The following XRRA1 variants were observed in gnomAD, a reference collection of about 807,000 sequenced individuals.
XRRA1 encodes X-ray radiation resistance associated 1.
In XRRA1, 69 loss-of-function variants were observed where a neutral mutation model predicts 80.2. The ratio of observed to expected loss-of-function variants is 0.86; its 90% CI spans 0.71 to 1.05. The LOEUF is 1.05. XRRA1 is among the 50% of genes least tolerant of loss of function. The pLI, the probability that XRRA1 is intolerant of heterozygous loss-of-function variation, is 0.00. For missense variants in XRRA1, 967 were observed against 976.4 expected (o/e 0.99, Z 0.13); for synonymous variants, 348 against 389.9 (o/e 0.89, Z 1.27).
At chr11:74,928,585 C>G (rs1281800517) in intron 6 of XRRA1, among the ~76,000 whole-genome samples, 1 of 152,164 alleles carries the variant, frequency 6.6e-6, no homozygotes, top group African/African-American at 2.4e-5. Flanking sequence ...GCTTTGGGAA[C>G]TCCATTGAAG....
At chr11:74,938,630 T>C (rs1162598237) in intron 3 of XRRA1, among the ~76,000 whole-genome samples, 1 of 152,218 alleles carries the variant, frequency 6.6e-6, no homozygotes, top group Non-Finnish European at 1.5e-5. Flanking sequence ...TAGATGTAAT[T>C]AGTATTTACA....
intron 15 of XRRA1, among the ~76,000 whole-genome samples, chr11:74,847,806 G>A (rs2038695453): frequency 6.6e-6 from 1 of 152,194 alleles, no homozygotes; most frequent in Admixed American, 6.5e-5. Context: ...AAGCAGAGAG[G>A]TACAGGCAGC....
intron 8 of XRRA1, among the ~76,000 whole-genome samples, chr11:74,915,556 C>G (rs557985220): frequency 6.6e-6 from 1 of 152,102 alleles, no homozygotes; most frequent in African/African-American, 2.4e-5. Flanking sequence ...AATATGGCAC[C>G]GAATTTCTAG....
intron 10 of XRRA1, among the ~76,000 whole-genome samples, chr11:74,887,874 G>T (rs1293348288): frequency 2.0e-5 from 3 of 152,146 alleles, no homozygotes; most frequent in Non-Finnish European, 4.4e-5. Flanking sequence ...GAGTCTGGGG[G>T]AGGGGCACCC....
At position 74,851,077 on chromosome 11, in the gene XRRA1, G is replaced by T. The variant is rs2039707235; in HGVS notation, c.1380+11C>A. The T allele has an allele frequency of 6.2e-7, 1 of 1,602,508 alleles. No homozygotes were observed. On this transcript the variant is annotated intron_variant, in intron 14 of 18. Transcript: ENST00000684022. Reference sequence around the variant, plus strand: ...TTCCTGGGGGTGGGAGTCCTGCCTTGGAAGCCCTACCTTCCATGATTCCTT... The same window carrying T: ...TTCCTGGGGGTGGGAGTCCTGCCTTTGAAGCCCTACCTTCCATGATTCCTT...
intron 8 of XRRA1, among the ~76,000 whole-genome samples, chr11:74,914,993 T>C (rs939705308): frequency 6.6e-6 from 1 of 152,166 alleles, no homozygotes; most frequent in Non-Finnish European, 1.5e-5. Context: ...CCATCTAATA[T>C]AGGAAGAAAA....
chr11:74,874,100 G>A (rs1276723875), intron 10 of XRRA1, among the ~76,000 whole-genome samples: 2 of 151,794 alleles, frequency 1.3e-5, no homozygotes, highest in Non-Finnish European at 2.9e-5. Flanking sequence ...GCTGGGCATG[G>A]TGGCACACGC....
chr11:74,867,536 A>G (rs1368689447), intron 10 of XRRA1, among the ~76,000 whole-genome samples: 1 of 152,214 alleles, frequency 6.6e-6, no homozygotes, highest in Non-Finnish European at 1.5e-5. Context: ...AAAAATAGTA[A>G]GGAAGAATGA....
At chr11:74,872,919 T>C in intron 10 of XRRA1, among the ~76,000 whole-genome samples, 1 of 152,178 alleles carries the variant, frequency 6.6e-6, no homozygotes, top group Non-Finnish European at 1.5e-5. Context: ...CTGATATTTT[T>C]CTCAACCCCT....
At chr11:74,905,403 C>T (rs1026138385) in intron 10 of XRRA1, among the ~76,000 whole-genome samples, 2 of 152,150 alleles carry the variant, frequency 1.3e-5, no homozygotes, top group African/African-American at 4.8e-5. Context: ...CTTTATTCTG[C>T]TTTAGAATGC....
chr11:74,925,308 G>C (rs1324436820), intron 7 of XRRA1, among the ~76,000 whole-genome samples: 1 of 152,202 alleles, frequency 6.6e-6, no homozygotes, highest in Admixed American at 6.5e-5. Context: ...CCATGGCAAA[G>C]TTAAGTTTTT....
At chr11:74,902,221 T>C (rs1209196976) in intron 10 of XRRA1, among the ~76,000 whole-genome samples, 1 of 152,204 alleles carries the variant, frequency 6.6e-6, no homozygotes, top group Non-Finnish European at 1.5e-5. Flanking sequence ...TGAGATATCA[T>C]CTCACCCTAG....
intron 8 of XRRA1, among the ~76,000 whole-genome samples, chr11:74,914,708 CTTT>C (rs67132744): frequency 4.4e-5 from 6 of 137,802 alleles, no homozygotes; most frequent in Admixed American, 7.1e-5. Context: ...TGCAGATAAC[CTTT>C]TTTTTTTTTT....
chr11:74,850,159 C>T (rs2135514675), intron 14 of XRRA1, among the ~76,000 whole-genome samples: 1 of 152,332 alleles, frequency 6.6e-6, no homozygotes, highest in Non-Finnish European at 1.5e-5. Flanking sequence ...AGGACCCACA[C>T]TAACTTTTAA....
At chr11:74,910,063 T>C (rs1454903244) in intron 8 of XRRA1, 1 of 152,188 alleles carries the variant, frequency 6.6e-6, no homozygotes, top group African/African-American at 2.4e-5. Flanking sequence ...GACTTTCGAT[T>C]AGGCTAAAAA....
intron 10 of XRRA1, among the ~76,000 whole-genome samples, chr11:74,884,459 A>T (rs1330974902): frequency 1.3e-5 from 2 of 152,310 alleles, no homozygotes; most frequent in Non-Finnish European, 1.5e-5. Context: ...TGGCACAGCT[A>T]TTCCTAACCA....
At chr11:74,910,983 A>G (rs913826207) in intron 8 of XRRA1, among the ~76,000 whole-genome samples, 3 of 152,148 alleles carry the variant, frequency 2.0e-5, no homozygotes, top group Non-Finnish European at 4.4e-5. Flanking sequence ...AGAGAGCGAG[A>G]AGGAGGGCTT....
rs1387934982 is a variant in XRRA1 at position 74,848,371 on chromosome 11, A to G, written c.1472T>C (p.Leu491Pro). 1.9e-6 allele frequency: 3 copies of G among 1,613,888 alleles called. No homozygotes were observed. Among genetic ancestry groups the G allele is most frequent in the Non-Finnish European group, 2.5e-6 (3 of 1,179,870 alleles). Residue 491 changes from leucine (L) to proline (P), a missense_variant, in exon 15 of 19, where the codon CTA (leucine) becomes CCA (proline). By Grantham distance (98) the Leu-to-Pro change is moderately conservative. Transcript: ENST00000684022. ...TTTKSPSKDM[L>P]EPEAELAEDL... Reference sequence around the variant, plus strand: ...TTCAGCCAGCTCTGCCTCTGGCTCTAGCATATCCTTTGAGGGAGACTTGGT... The same window carrying G: ...TTCAGCCAGCTCTGCCTCTGGCTCTGGCATATCCTTTGAGGGAGACTTGGT...
chr11:74,845,606 A>G (rs1231298654), intron 15 of XRRA1, among the ~76,000 whole-genome samples: 1 of 152,228 alleles, frequency 6.6e-6, no homozygotes, highest in East Asian at 1.9e-4. Context: ...GTGATGAGAA[A>G]GAATGATTGT....
Sources: gnomAD v4.1 joint callset for allele counts (sites outside exome capture counted in the v4.1 genomes callset) on GRCh38, gnomAD v4.1.1 for gene constraint, MANE v1.5 for transcripts, NCBI Gene and HGNC (gene_info 2026-07-23, HGNC 2026-07-21) for gene names.